The following ERBB4 variants were observed in gnomAD, a reference collection of about 807,000 sequenced individuals.
The protein encoded by ERBB4 is receptor tyrosine-protein kinase erbB-4.
Under a neutral mutation model 158.0 loss-of-function variants are expected in ERBB4, and 42 were observed. The observed-to-expected ratio is 0.27, with a 90% confidence interval of 0.21 to 0.34. ERBB4 has a LOEUF of 0.34. Among genes scored for constraint, ERBB4 ranks in the 10% least tolerant of loss-of-function variants. The probability of loss-of-function intolerance (pLI) is 1.00; values close to 1 mark genes in which losing one functional copy is unlikely to be tolerated. For synonymous variants in ERBB4, 583 were observed against 558.7 expected, an observed-to-expected ratio of 1.04 and a Z score of -0.61; for missense variants, 1,333 against 1,624.1, an observed-to-expected ratio of 0.82 and a Z score of 3.08.
intron 2 of ERBB4, among the ~76,000 whole-genome samples, chr2:211,997,107 GT>G (rs1327975737): frequency 6.7e-6 from 1 of 149,760 alleles, no homozygotes; most frequent in Admixed American, 6.7e-5. Flanking sequence ...GAGAGCATTG[GT>G]CAATGTATCT....
intron 3 of ERBB4, among the ~76,000 whole-genome samples, chr2:211,883,784 T>C (rs879227842): frequency 6.6e-6 from 1 of 152,092 alleles, no homozygotes; most frequent in Admixed American, 6.6e-5. Context: ...AGAGCAAGAC[T>C]CAGTCTCGAA....
intron 1 of ERBB4, among the ~76,000 whole-genome samples, chr2:212,464,564 C>T (rs1027648882): frequency 1.3e-5 from 2 of 152,058 alleles, no homozygotes; most frequent in Non-Finnish European, 2.9e-5. Context: ...CTCATTTTCA[C>T]ATTTCATGGA....
intron 1 of ERBB4, among the ~76,000 whole-genome samples, chr2:212,341,246 CT>C (rs953713534): frequency 6.6e-6 from 1 of 151,606 alleles, no homozygotes. Flanking sequence ...TTATATATTT[CT>C]TTTTTGTCCC....
At chr2:211,474,843 A>C (rs1345025677) in intron 20 of ERBB4, among the ~76,000 whole-genome samples, 3 of 152,024 alleles carry the variant, frequency 2.0e-5, no homozygotes, top group African/African-American at 7.2e-5. Context: ...AAGTACATGG[A>C]TGGAAGAAGA....
At chr2:211,564,224 G>A (rs182627353) in intron 19 of ERBB4, among the ~76,000 whole-genome samples, 164 of 152,260 alleles carry the variant, frequency 1.1e-3, no homozygotes, top group African/African-American at 3.8e-3. Flanking sequence ...AAACTGAGAA[G>A]CAACCCAATA....
intron 2 of ERBB4, among the ~76,000 whole-genome samples, chr2:212,016,323 AC>A (rs1326262338): frequency 1.3e-5 from 2 of 152,152 alleles, no homozygotes; most frequent in East Asian, 3.9e-4. Context: ...GTGGACTGAA[AC>A]CCAGGTAAAT....
At chr2:212,319,496 T>C (rs2087459610) in intron 1 of ERBB4, among the ~76,000 whole-genome samples, 1 of 150,584 alleles carries the variant, frequency 6.6e-6, no homozygotes, top group African/African-American at 2.4e-5. Context: ...GTTTAATATG[T>C]AACCTTTCTA....
intron 2 of ERBB4, among the ~76,000 whole-genome samples, chr2:212,009,161 C>T (rs1325761169): frequency 2.0e-5 from 3 of 151,888 alleles, no homozygotes. Flanking sequence ...CCCCCAACCC[C>T]CCAAAAAGAT....
intron 20 of ERBB4, among the ~76,000 whole-genome samples, chr2:211,501,655 C>G (rs1042505382): frequency 6.6e-6 from 1 of 151,840 alleles, no homozygotes; most frequent in Non-Finnish European, 1.5e-5. Flanking sequence ...TTATCTAACA[C>G]AATATCAAGA....
Position 212,209,948 on chromosome 2 carries a change from T to C in ERBB4, c.83-85045A>G, listed in dbSNP as rs4528708. On this transcript the variant is annotated intron_variant, in intron 1 of 27. Transcript: ENST00000342788. ...TTGTCACTTGCTTGACTGACCTGCATTGTTTTTCAGCTGAATCAGATTGTG... is the reference window on the plus strand; with the variant it reads ...TTGTCACTTGCTTGACTGACCTGCACTGTTTTTCAGCTGAATCAGATTGTG... 2.6e-3 allele frequency among the ~76,000 whole-genome samples: 400 copies of C among 152,146 alleles called. 4 individuals are homozygous for C. The highest frequency in any genetic ancestry group is 0.013 in the Admixed American group (192 of 15,254).
At chr2:211,858,337 G>T (rs570163898) in intron 3 of ERBB4, among the ~76,000 whole-genome samples, 5 of 152,280 alleles carry the variant, frequency 3.3e-5, no homozygotes, top group African/African-American at 1.2e-4. Context: ...CATAACCAAA[G>T]TTAATTGCTT....
At position 211,376,031 on chromosome 2, in the gene ERBB4, A is replaced by G. The variant is rs1291644419; in HGVS notation, c.*7584T>C. 1.3e-5 allele frequency: 3 copies of G among 232,964 alleles called. No individual in the cohort carries two copies. In the Admixed American group the frequency reaches 1.7e-4, roughly 13 times the overall value. 14.4% of individuals were successfully genotyped at this position (232,964 alleles called of 1,614,324 possible). Reference sequence around the variant, plus strand: ...AGGATGGGTAAAAGGTTGGAGGAGAAGAAAGAATAAGAGAAAGTATACTAA... The same window carrying G: ...AGGATGGGTAAAAGGTTGGAGGAGAGGAAAGAATAAGAGAAAGTATACTAA... On this transcript the variant is annotated 3_prime_UTR_variant, in exon 28 of 28. Coordinates refer to ENST00000342788, the MANE Select transcript of ERBB4 (RefSeq NM_005235.3).
intron 4 of ERBB4, among the ~76,000 whole-genome samples, chr2:211,763,892 G>A (rs974375727): frequency 1.6e-4 from 6 of 37,168 alleles, no homozygotes; most frequent in Non-Finnish European, 3.3e-4. Flanking sequence ...AGCTGTGCGT[G>A]TGTATACACA....
intron 1 of ERBB4, among the ~76,000 whole-genome samples, chr2:212,424,540 T>C (rs1469660564): frequency 6.6e-6 from 1 of 152,140 alleles, no homozygotes; most frequent in Non-Finnish European, 1.5e-5. Flanking sequence ...CCTTGCTATT[T>C]TCTAACACGT....
At chr2:211,687,453 T>C (rs1475265800) in intron 12 of ERBB4, among the ~76,000 whole-genome samples, 2 of 151,898 alleles carry the variant, frequency 1.3e-5, no homozygotes, top group African/African-American at 4.8e-5. Context: ...CTGGTGAGAG[T>C]AGAAGTCTAC....
At chr2:212,038,547 G>T (rs1371327714) in intron 2 of ERBB4, among the ~76,000 whole-genome samples, 1 of 151,824 alleles carries the variant, frequency 6.6e-6, no homozygotes, top group African/African-American at 2.4e-5. Flanking sequence ...TTTTTCTTTT[G>T]TACTTTGTGT....
intron 3 of ERBB4, among the ~76,000 whole-genome samples, chr2:211,863,355 T>G (rs1303808908): frequency 6.6e-6 from 1 of 152,204 alleles, no homozygotes; most frequent in African/African-American, 2.4e-5. Flanking sequence ...GAATAAAAGC[T>G]GGCCACCCCA....
intron 2 of ERBB4, among the ~76,000 whole-genome samples, chr2:212,021,729 A>C (rs2076654583): frequency 6.6e-6 from 1 of 152,162 alleles, no homozygotes; most frequent in Admixed American, 6.5e-5. Context: ...AATGGGATCT[A>C]ATTAAACTAA....
At chr2:212,015,103 T>G (rs2076494991) in intron 2 of ERBB4, among the ~76,000 whole-genome samples, 1 of 80,368 alleles carries the variant, frequency 1.2e-5, no homozygotes, top group Non-Finnish European at 2.3e-5. Flanking sequence ...TATATATATA[T>G]ATATATATAA....
Sources: gnomAD v4.1 joint callset for allele counts (sites outside exome capture counted in the v4.1 genomes callset) on GRCh38, gnomAD v4.1.1 for gene constraint, MANE v1.5 for transcripts, NCBI Gene and HGNC (gene_info 2026-07-23, HGNC 2026-07-21) for gene names.